The following AP4E1 variants were observed in gnomAD, a reference collection of about 807,000 sequenced individuals.
The protein encoded by AP4E1 is adaptor related protein complex 4 subunit epsilon 1.
AP4E1 carries 56 observed loss-of-function variants against 128.2 expected under a neutral mutation model. That is an observed-to-expected ratio of 0.44 (90% CI 0.35 to 0.55). The LOEUF is 0.55. Ranked by LOEUF, AP4E1 falls within the 20% of genes least tolerant of loss-of-function variation. The pLI is 0.00. For synonymous variants in AP4E1, 484 were observed against 473.1 expected (o/e 1.02, Z -0.30); for missense variants, 1,324 against 1,307.7 (o/e 1.01, Z -0.19).
intron 3 of AP4E1, among the ~76,000 whole-genome samples, chr15:50,916,402 T>A (rs979626290): frequency 6.6e-6 from 1 of 152,218 alleles, no homozygotes; most frequent in East Asian, 1.9e-4. Context: ...CTCTCTATAG[T>A]CAACCTTTAG....
chr15:50,966,750 T>C (rs1567242707), intron 14 of AP4E1, among the ~76,000 whole-genome samples: 2 of 152,140 alleles, frequency 1.3e-5, no homozygotes. Flanking sequence ...TTGGTCAGGC[T>C]GGTCTCGAAC....
chr15:50,962,217 A>G (rs1293700929), intron 14 of AP4E1, among the ~76,000 whole-genome samples: 4 of 152,024 alleles, frequency 2.6e-5, no homozygotes, highest in East Asian at 3.9e-4. Flanking sequence ...TCAATGTACT[A>G]TCAAAATACC....
chr15:50,937,998 G>A (rs915071325), intron 8 of AP4E1, among the ~76,000 whole-genome samples: 1 of 152,026 alleles, frequency 6.6e-6, no homozygotes, highest in Non-Finnish European at 1.5e-5. Context: ...GAGTACAAGG[G>A]ACAAAAGCCA....
At chr15:50,909,393 CAGATGTCGCAT>C (rs1346036530) in intron 1 of AP4E1, among the ~76,000 whole-genome samples, 1 of 152,104 alleles carries the variant, frequency 6.6e-6, no homozygotes, top group African/African-American at 2.4e-5. Context: ...AACAACAGTT[CAGATGTCGCAT>C]ACCTGAAGAG....
chr15:50,915,092 G>A (rs1197639128), intron 2 of AP4E1, among the ~76,000 whole-genome samples: 1 of 152,146 alleles, frequency 6.6e-6, no homozygotes, highest in Non-Finnish European at 1.5e-5. Context: ...ATTATGTGCT[G>A]TATTTTAGAA....
At chr15:50,991,695 C>A (rs187639485) in intron 16 of AP4E1, among the ~76,000 whole-genome samples, 2 of 152,062 alleles carry the variant, frequency 1.3e-5, no homozygotes, top group Admixed American at 1.3e-4. Context: ...TCAGATTTTC[C>A]TGTAGCTACT....
chr15:50,945,867 C>T, intron 10 of AP4E1: 1 of 864,658 alleles, frequency 1.2e-6, no homozygotes, highest in Non-Finnish European at 2.0e-6. Flanking sequence ...CTATCTACAG[C>T]CAGATTCAGG....
chr15:50,984,068 C>T lies in AP4E1; in HGVS notation c.2013C>T (p.Phe671=). Residue 671 remains phenylalanine, a synonymous_variant, in exon 16 of 21, where the codon TTC becomes TTT. Transcript: ENST00000261842. The part of the protein sequence containing the change: ...PYGLSFSSSG[F]TGRQSPAGIS... The stretch of plus-strand genomic sequence containing the variant: ...GACTCTCCTTTTCTTCATCTGGCTT[C>T]ACTGGACGACAGTCTCCTGCTGGCA... The T allele has an allele frequency of 6.2e-7, 1 of 1,613,412 alleles. No homozygotes were observed. Among genetic ancestry groups the T allele is most frequent in the Non-Finnish European group, 8.5e-7 (1 of 1,179,490 alleles).
At chr15:50,945,318 G>C in intron 10 of AP4E1, 1 of 780,822 alleles carries the variant, frequency 1.3e-6, no homozygotes, top group Non-Finnish European at 2.4e-6. Flanking sequence ...CGTCTGACAG[G>C]AATATAGTAC....
chr15:50,987,584 T>G (rs1411232505), intron 16 of AP4E1, among the ~76,000 whole-genome samples: 1 of 152,226 alleles, frequency 6.6e-6, no homozygotes, highest in Non-Finnish European at 1.5e-5. Context: ...CAGGAGCAGA[T>G]TGTTCAGTTT....
chr15:50,945,500 A>G, intron 10 of AP4E1: 2 of 755,956 alleles, frequency 2.6e-6, no homozygotes, highest in African/African-American at 1.7e-5. Context: ...TTCCATATGG[A>G]TCATGTATCT....
Position 51,003,960 on chromosome 15 carries a change from T to A in AP4E1, c.*1298T>A, listed in dbSNP as rs2064993292. ...GGGGATTCTCCAGATCTAATAGATTTCATTAGTCATTTGTGTCGAGTATTC... is the reference window on the plus strand; with the variant it reads ...GGGGATTCTCCAGATCTAATAGATTACATTAGTCATTTGTGTCGAGTATTC... On this transcript the variant is annotated 3_prime_UTR_variant, in exon 21 of 21. Transcript: ENST00000261842. 1 of 152,390 alleles carries A rather than the reference T, an allele frequency of 6.6e-6. No individual in the cohort carries two copies. Among genetic ancestry groups the A allele is most frequent in the African/African-American group, 2.4e-5 (1 of 41,464 alleles). 9.4% of individuals were successfully genotyped at this position (152,390 alleles called of 1,614,324 possible).
chr15:50,943,701 C>CA (rs1205954726), intron 10 of AP4E1, among the ~76,000 whole-genome samples: 5 of 152,118 alleles, frequency 3.3e-5, no homozygotes, highest in African/African-American at 1.2e-4. Flanking sequence ...CTAATACACC[C>CA]ATTGGATGCC....
intron 15 of AP4E1, among the ~76,000 whole-genome samples, chr15:50,977,706 GTTT>G (rs1401774266): frequency 1.2e-5 from 1 of 80,288 alleles, no homozygotes. Flanking sequence ...ATCTGTTATG[GTTT>G]TTTTTTTTTT....
At chr15:50,915,705 C>A in intron 3 of AP4E1, 134 bp downstream of exon 3, 2 of 1,121,814 alleles carry the variant, frequency 1.8e-6, no homozygotes, top group Non-Finnish European at 2.6e-6. Flanking sequence ...TTTAAAAGAT[C>A]ACACTTCAGA....
chr15:50,942,079 G>A (rs938211503), intron 10 of AP4E1, among the ~76,000 whole-genome samples: 2 of 152,046 alleles, frequency 1.3e-5, no homozygotes, highest in African/African-American at 4.8e-5. Flanking sequence ...ACCACGCGTG[G>A]CTAATTTTTG....
intron 17 of AP4E1, among the ~76,000 whole-genome samples, chr15:50,996,960 G>A (rs1365661776): frequency 2.6e-5 from 4 of 152,132 alleles, no homozygotes; most frequent in Non-Finnish European, 5.9e-5. Flanking sequence ...GGCTTATACA[G>A]AACAACTATG....
intron 5 of AP4E1, among the ~76,000 whole-genome samples, chr15:50,926,649 A>G (rs1221919965): frequency 6.7e-6 from 1 of 150,304 alleles, no homozygotes; most frequent in Non-Finnish European, 1.5e-5. Context: ...CCCAGGCTGG[A>G]GTGCAGTGGT....
Position 50,941,759 on chromosome 15 carries a change from C to T in AP4E1, c.1160C>T (p.Pro387Leu). Reference protein sequence around the residue: ...TIIECLDHPDPIIKRETLELL... With the variant: ...TIIECLDHPDLIIKRETLELL... ...ATTGAATGTTTAGATCATCCTGATC[C>T]CATTATTAAAAGAGAGGTAAACTGG... is the stretch of plus-strand genomic sequence containing the variant. Residue 387 changes from proline to leucine, a missense_variant, in exon 10 of 21, where the codon CCC becomes CTC. By Grantham distance (98) the Pro-to-Leu change is moderately conservative (BLOSUM62 -3). Transcript: ENST00000261842. The T allele has an allele frequency of 6.2e-7, 1 of 1,609,398 alleles. No individual in the cohort carries two copies. Among genetic ancestry groups the T allele is most frequent in the East Asian group, 2.2e-5 (1 of 44,788 alleles).
Sources: gnomAD v4.1 joint callset for allele counts (sites outside exome capture counted in the v4.1 genomes callset) on GRCh38, gnomAD v4.1.1 for gene constraint, MANE v1.5 for transcripts, NCBI Gene and HGNC (gene_info 2026-07-23, HGNC 2026-07-21) for gene names.